CIITA: variants seen among roughly 807,000 people sequenced by gnomAD.
CIITA encodes MHC class II transactivator.
Under a neutral mutation model 115.1 loss-of-function variants are expected in CIITA, and 72 were observed. That is an observed-to-expected ratio of 0.63 (90% CI 0.52 to 0.76). CIITA has a LOEUF of 0.76. CIITA is among the 30% of genes least tolerant of loss of function. The pLI, the probability that CIITA is intolerant of heterozygous loss-of-function variation, is 0.00. For synonymous variants in CIITA, 763 were observed against 635.6 expected (o/e 1.20, Z -3.02); for missense variants, 1,617 against 1,463.8 (o/e 1.10, Z -1.71).
Position 10,907,020 on chromosome 16 carries a change from T to A in CIITA, c.1528T>A (p.Phe510Ile), listed in dbSNP as rs752295364. The change falls in exon 11 of 20, where the codon TTC (phenylalanine) becomes ATC (isoleucine). Residue 510 changes from phenylalanine (F) to isoleucine (I), a missense_variant. Transcript: ENST00000324288. The surrounding 1 kb of genome is among the most constrained non-coding windows in gnomAD (Gnocchi z 5.0). ...CGAGGAGCTGGAAGCGCAAGATGGC[T>A]TCCTGCACAGCACGTGCGGACCGGC... is the stretch of plus-strand genomic sequence containing the variant. ...GFEELEAQDG[F>I]LHSTCGPAPA... 3 of 1,609,106 alleles carry A rather than the reference T, an allele frequency of 1.9e-6. No individual in the cohort carries two copies. Among genetic ancestry groups the A allele is most frequent in the Non-Finnish European group, 1.7e-6 (2 of 1,179,814 alleles).
In CIITA at chr16:10,903,841, A is replaced by G. The variant is rs1374448448; in HGVS notation, c.883A>G (p.Thr295Ala). The part of the protein sequence containing the change: ...GSTSPFAPSA[T>A]DLPSMPEPAL... ...CACCAGCCCCTTCGCTCCATCAGCCACTGACCTGCCCAGCATGCCTGAACC... is the reference window on the plus strand; with the variant it reads ...CACCAGCCCCTTCGCTCCATCAGCCGCTGACCTGCCCAGCATGCCTGAACC... Residue 295 changes from threonine to alanine, a missense_variant, in exon 9 of 20, where the codon ACT (threonine) becomes GCT (alanine). Transcript: ENST00000324288. The G allele has an allele frequency of 1.2e-6, 2 of 1,614,148 alleles. No homozygotes were observed. The highest frequency in any genetic ancestry group is 8.5e-7 in the Non-Finnish European group (1 of 1,180,012).
rs537409359 is a variant in CIITA, at chr16:10,877,231, C to T, written c.-100C>T. The T allele has an allele frequency of 1.9e-6, 2 of 1,029,782 alleles. No homozygotes were observed. The highest frequency in any genetic ancestry group is 3.9e-5 in the Admixed American group (2 of 50,812). 63.8% of individuals were successfully genotyped at this position (1,029,782 alleles called of 1,614,324 possible). On this transcript the variant is annotated 5_prime_UTR_variant, in exon 1 of 20. Coordinates refer to ENST00000324288, the MANE Select transcript of CIITA (RefSeq NM_000246.4). ...ATGAGGCTAGTGATGAGGCTGTGTG[C>T]TTCTGAGCTGGGCATCCGAAGGCAT...
intron 1 of CIITA, among the ~76,000 whole-genome samples, chr16:10,871,086 C>G (rs1027920031): frequency 6.6e-6 from 1 of 152,248 alleles, no homozygotes; most frequent in Non-Finnish European, 1.5e-5. Context: ...CCTGCCTTCC[C>G]AATTCCAAGA....
intron 13 of CIITA, among the ~76,000 whole-genome samples, chr16:10,914,006 C>A (rs2039776967): frequency 6.8e-6 from 1 of 148,014 alleles, no homozygotes; most frequent in African/African-American, 2.5e-5. Flanking sequence ...AAAACTCCAT[C>A]CCCCTCACCA....
At chr16:10,891,223 T>C (rs963488587) in intron 1 of CIITA, among the ~76,000 whole-genome samples, 1 of 151,668 alleles carries the variant, frequency 6.6e-6, no homozygotes, top group African/African-American at 2.4e-5. Flanking sequence ...GATCATTTCA[T>C]TGGGAACATT....
At chr16:10,877,419 A>C in intron 1 of CIITA, 37 bp downstream of exon 1, 2 of 1,594,312 alleles carry the variant, frequency 1.3e-6, no homozygotes, top group Non-Finnish European at 1.7e-6. Flanking sequence ...TTTAGCGTGC[A>C]GTCTCAGCTG....
rs377640799 is a variant in CIITA at position 10,922,277 on chromosome 16, T to C, written c.3233+27T>C. The C allele has an allele frequency of 1.2e-4, 194 of 1,610,414 alleles. No individual in the cohort carries two copies. The African/African-American group carries it at 2.5e-3, about 20-fold the overall frequency. On this transcript the variant is annotated intron_variant, in intron 17 of 19. Transcript: ENST00000324288. Reference sequence around the variant, plus strand: ...TGAGTGTGGGAGTCTGGGCGGTGGGTGGCTCAGCCCGGGGTGGGAGACACT... The same window carrying C: ...TGAGTGTGGGAGTCTGGGCGGTGGGCGGCTCAGCCCGGGGTGGGAGACACT...
chr16:10,873,432 T>C (rs1175476061), upstream of CIITA, among the ~76,000 whole-genome samples: 1 of 152,174 alleles, frequency 6.6e-6, no homozygotes, highest in Non-Finnish European at 1.5e-5. Flanking sequence ...TTGCAGCAAG[T>C]TTTGTAAAAC....
intron 5 of CIITA, among the ~76,000 whole-genome samples, chr16:10,900,110 G>GA (rs200527007): frequency 4.6e-5 from 7 of 150,920 alleles, no homozygotes; most frequent in South Asian, 2.1e-4. Flanking sequence ...AATATTCAGT[G>GA]AAAAAAAAAT....
rs1346146115 is a variant in CIITA at position 10,895,749 on chromosome 16, GC to G, written c.281del (p.Ala94ValfsTer21). The G allele has an allele frequency of 6.2e-7, 1 of 1,613,972 alleles. No homozygotes were observed. Among genetic ancestry groups the G allele is most frequent in the African/African-American group, 1.3e-5 (1 of 74,896 alleles). Reference sequence around the variant, plus strand: ...GGAAGGTGATGAAGAGACCAGGGAGGCTTATGCCAATATCGGTGAGGAAGCA... The same window carrying G: ...GGAAGGTGATGAAGAGACCAGGGAGGTTATGCCAATATCGGTGAGGAAGCA... Reference protein sequence around the residue: ...DMEGDEETREAYANIAELDQY... With the variant: ...DMEGDEETREXYANIAELDQY... On this transcript the variant is annotated frameshift_variant, in exon 3 of 20. Transcript: ENST00000324288. LOFTEE classifies it high-confidence loss of function.
intron 3 of CIITA, among the ~76,000 whole-genome samples, 171 bp downstream of exon 3, chr16:10,895,935 G>C (rs995854874): frequency 2.0e-5 from 3 of 152,148 alleles, no homozygotes; most frequent in African/African-American, 7.2e-5. Flanking sequence ...GGAAGAGAGG[G>C]GAGATGGAGG....
Position 10,908,058 on chromosome 16 carries a change from G to A in CIITA, c.2566G>A (p.Gly856Ser). 1 of 1,613,278 alleles carries A rather than the reference G, an allele frequency of 6.2e-7. No homozygotes were observed. Among genetic ancestry groups the A allele is most frequent in the South Asian group, 1.1e-5 (1 of 90,990 alleles). The change falls in exon 11 of 20, where the codon GGC becomes AGC. Residue 856 changes from glycine to serine, a missense_variant. Gly to Ser is a moderately conservative substitution (Grantham distance 56). Transcript: ENST00000324288. ...ACTGGGCAAGGCCTTGGAGGCGGCG[G>A]GCCAAGACTTCTCCCTGGACCTCCG... ...HVLGKALEAA[G>S]QDFSLDLRST...
In CIITA at chr16:10,898,931, T is replaced by G. The variant is rs764371715; in HGVS notation, c.365T>G (p.Ile122Arg). The G allele has an allele frequency of 6.2e-7, 1 of 1,613,830 alleles. No individual in the cohort carries two copies. Among genetic ancestry groups the G allele is most frequent in the Non-Finnish European group, 8.5e-7 (1 of 1,179,968 alleles). ...CTGGTTTTTCTCAAAGTAGAGCACA[T>G]AGGACCAGATGAAGTGATCGGTGAG... ...EGLSKDIFKH[I>R]GPDEVIGESM... The change falls in exon 5 of 20, where the codon ATA (isoleucine) becomes AGA (arginine). Residue 122 changes from isoleucine to arginine, a missense_variant. Physicochemically the swap from Ile to Arg is moderately conservative, Grantham distance 97. Transcript: ENST00000324288.
Position 10,933,867 on chromosome 16 carries a change from T to C in CIITA, c.*10012T>C, listed in dbSNP as rs2040904878. 1.3e-5 allele frequency: 2 copies of C among 152,254 alleles called. No homozygotes were observed. Among genetic ancestry groups the C allele is most frequent in the Non-Finnish European group, 2.9e-5 (2 of 68,046 alleles). The allele number at this position is 152,254 out of a possible 1,614,324, so 9.4% of individuals were successfully genotyped here. On this transcript the variant is annotated 3_prime_UTR_variant, in exon 20 of 20. Coordinates refer to ENST00000324288, the MANE Select transcript of CIITA (RefSeq NM_000246.4). ...ACGCAGCCATTCTGATCCTCCACGC[T>C]GGTGACAGGCTATGTGGCAGGAGGG...
upstream of CIITA, among the ~76,000 whole-genome samples, chr16:10,876,170 A>G (rs943197520): frequency 1.3e-5 from 2 of 151,942 alleles, no homozygotes; most frequent in African/African-American, 4.8e-5. Flanking sequence ...AAAAACAAAA[A>G]CAAACAAAAA....
At position 10,941,811 on chromosome 16, in the gene CIITA, C is replaced by CT. The variant is rs2041106523; in HGVS notation, n.938dup. On this transcript the variant is annotated non_coding_transcript_exon_variant, in exon 2 of 2. Coordinates refer to the CIITA transcript ENST00000573379. The surrounding 1 kb of genome is among the most constrained non-coding windows in gnomAD (Gnocchi z 6.4). ...AGAGCACGCCGAGGTCCACGAGCGCCTGGTCCATGTCCTCGGGCAGGAAGA... is the reference window on the plus strand; with the variant it reads ...AGAGCACGCCGAGGTCCACGAGCGCCTTGGTCCATGTCCTCGGGCAGGAAGA... The CT allele has an allele frequency of 6.2e-7, 1 of 1,613,530 alleles. No homozygotes were observed.
chr16:10,874,650 G>C (rs927400743), upstream of CIITA, among the ~76,000 whole-genome samples: 2 of 152,234 alleles, frequency 1.3e-5, no homozygotes, highest in African/African-American at 4.8e-5. Context: ...TTCAGGTCTT[G>C]TGGACAAGAA....
chr16:10,906,847 C>G lies in CIITA; in HGVS notation c.1355C>G (p.Pro452Arg), dbSNP rs1310078848. Residue 452 changes from proline (P) to arginine (R), a missense_variant, in exon 11 of 20, where the codon CCC becomes CGC. Coordinates refer to ENST00000324288, the MANE Select transcript of CIITA (RefSeq NM_000246.4). ...CAGTACGACTTTGTCTTCTCTGTCC[C>G]CTGCCATTGCTTGAACCGTCCGGGG... is the stretch of plus-strand genomic sequence containing the variant. ...LPQYDFVFSV[P>R]CHCLNRPGDA... is the part of the protein sequence containing the mutation. 6.2e-7 allele frequency: 1 copy of G among 1,613,410 alleles called. No homozygotes were observed. Among genetic ancestry groups the G allele is most frequent in the Non-Finnish European group, 8.5e-7 (1 of 1,180,036 alleles).
At position 10,901,297 on chromosome 16, in the gene CIITA, C is replaced by G. The variant is rs1243187562; in HGVS notation, c.437-217C>G. On this transcript the variant is annotated intron_variant, in intron 5 of 19. Coordinates refer to ENST00000324288, the MANE Select transcript of CIITA (RefSeq NM_000246.4). This position sits in a 1 kb window ranked among gnomAD's most constrained non-coding sequence, Gnocchi z 6.8. ...GTTGTGTCCCCATTTGTGACTCGGC[C>G]TCTTCTGCTGCTACACTGCCTGGTA... Among the ~76,000 whole-genome samples the G allele has an allele frequency of 6.6e-6, 1 of 152,166 alleles. No homozygotes were observed. Among genetic ancestry groups the G allele is most frequent in the Non-Finnish European group, 1.5e-5 (1 of 68,036 alleles).
Sources: gnomAD v4.1 joint callset for allele counts (sites outside exome capture counted in the v4.1 genomes callset) on GRCh38, gnomAD v4.1.1 for gene constraint, Gnocchi (gnomAD v3.1) non-coding constraint, MANE v1.5 for transcripts, NCBI Gene and HGNC (gene_info 2026-07-23, HGNC 2026-07-21) for gene names.